The following ZNF234 variants were observed in gnomAD, a reference collection of about 807,000 sequenced individuals.
ZNF234 encodes zinc finger protein 234.
Under a neutral mutation model 10.3 loss-of-function variants are expected in ZNF234, and 4 were observed. The ratio of observed to expected loss-of-function variants is 0.39; its 90% confidence interval spans 0.19 to 0.89. The LOEUF (loss-of-function observed/expected upper bound fraction) is 0.89. Among genes scored for constraint, ZNF234 ranks in the 40% least tolerant of loss-of-function variants. The pLI is 0.38. For missense variants in ZNF234, 711 were observed against 836.1 expected (o/e 0.85, Z 1.85); for synonymous variants, 258 against 280.1 (o/e 0.92, Z 0.79).
chr19:44,148,710 G>T, intron 3 of ZNF234, 61 bp from the exon 4 acceptor site: 1 of 1,606,750 alleles, frequency 6.2e-7, no homozygotes, highest in Non-Finnish European at 8.5e-7. Context: ...CACTTTCTCA[G>T]TGCTGTTTCT....
rs1968991925 is a variant in ZNF234 at position 44,159,747 on chromosome 19, C to T, written c.*1628C>T. On this transcript the variant is annotated 3_prime_UTR_variant, in exon 6 of 6. Transcript: ENST00000426739. The stretch of plus-strand genomic sequence containing the variant: ...TAACTGTAGCATTCTCTTATTAAAA[C>T]TTCTGGCTGGGTGTGGTGGCTCATG... 2 of 371,984 alleles carry T rather than the reference C, an allele frequency of 5.4e-6. No homozygotes were observed. Among genetic ancestry groups the T allele is most frequent in the African/African-American group, 4.1e-5 (2 of 48,360 alleles). 23.0% of individuals were successfully genotyped at this position (371,984 alleles called of 1,614,324 possible). A position where few individuals can be genotyped will look rare whatever the true frequency, so the allele number is the denominator to read the frequency against.
chr19:44,156,256 C>T lies in ZNF234; in HGVS notation c.240C>T (p.Asp80=), dbSNP rs757600553. ...CTGAATTCTCTGTCCTTACAGCAGA[C>T]AAGATCCAAAGTGAGGTGGAGACTG... The part of the protein sequence containing the change: ...TATQRKGKSA[D]KIQSEVETVP... Residue 80 remains aspartate (D), a synonymous_variant, in exon 6 of 6, where the codon GAC becomes GAT. Coordinates refer to ENST00000426739, the MANE Select transcript of ZNF234 (RefSeq NM_006630.3). The T allele has an allele frequency of 1.9e-6, 3 of 1,544,844 alleles. No individual in the cohort carries two copies. In the East Asian group the frequency reaches 6.7e-5, roughly 35 times the overall value.
chr19:44,148,846 A>AATCT lies in ZNF234; in HGVS notation c.92_95dup (p.Tyr33SerfsTer24), dbSNP rs758417647. 1.2e-6 allele frequency: 2 copies of AATCT among 1,613,860 alleles called. No individual in the cohort carries two copies. Among genetic ancestry groups the AATCT allele is most frequent in the Non-Finnish European group, 1.7e-6 (2 of 1,179,916 alleles). ...GGGGCTGCTGGACCCTGTCCAGAGG[A>AATCT]ATCTGTACCAAGATGTGATGCTGGA... is the stretch of plus-strand genomic sequence containing the variant. On this transcript the variant is annotated frameshift_variant, in exon 4 of 6. Transcript: ENST00000426739. LOFTEE classifies it high-confidence loss of function.
intron 5 of ZNF234, among the ~76,000 whole-genome samples, chr19:44,152,098 G>A (rs1490627475): frequency 7.2e-5 from 11 of 152,034 alleles, no homozygotes; most frequent in Non-Finnish European, 1.5e-5. Context: ...CCTGGTCTCT[G>A]CTCAGTTTTA....
chr19:44,145,319 T>A (rs115469676), intron 3 of ZNF234, among the ~76,000 whole-genome samples: 173 of 152,346 alleles, frequency 1.1e-3, no homozygotes, highest in African/African-American at 3.9e-3. Context: ...TTAATTAATG[T>A]GCCTTTTTAT....
chr19:44,153,447 TG>T (rs1968798273), intron 5 of ZNF234, among the ~76,000 whole-genome samples: 2 of 152,098 alleles, frequency 1.3e-5, no homozygotes, highest in Non-Finnish European at 2.9e-5. Context: ...CCTTTCCTGC[TG>T]GTGGTAGTAC....
chr19:44,156,371 A>C lies in ZNF234; in HGVS notation c.355A>C (p.Ile119Leu), dbSNP rs142253299. The C allele has an allele frequency of 1.3e-3, 2,082 of 1,613,630 alleles. 1 individual carries two copies. The highest frequency in any genetic ancestry group is 1.8e-3 in the Admixed American group (106 of 59,950). Residue 119 changes from isoleucine to leucine, a missense_variant, in exon 6 of 6, where the codon ATA becomes CTA. Physicochemically the swap from Ile to Leu is conservative, Grantham distance 5. Coordinates refer to ENST00000426739, the MANE Select transcript of ZNF234 (RefSeq NM_006630.3). ...SDLIKYEDSM[I>L]SISRFPRQGD... ...TTTAATCAAGTATGAAGACTCTATG[A>C]TAAGTATTTCTCGGTTCCCCAGACA... is the stretch of plus-strand genomic sequence containing the variant.
In ZNF234 at chr19:44,159,069, T is replaced by C. The variant is rs1266173121; in HGVS notation, c.*950T>C. On this transcript the variant is annotated 3_prime_UTR_variant, in exon 6 of 6. Transcript: ENST00000426739. ...ACAATATTAATATGATATTACTCTT[T>C]TACAGTTGACACCTGTCCTCTCTGT... The C allele has an allele frequency of 6.6e-6, 1 of 152,262 alleles. No homozygotes were observed. Among genetic ancestry groups the C allele is most frequent in the Admixed American group, 6.5e-5 (1 of 15,286 alleles). The allele number at this position is 152,262 out of a possible 1,614,324, so 9.4% of individuals were successfully genotyped here. A position where few individuals can be genotyped will look rare whatever the true frequency, so the allele number is the denominator to read the frequency against.
At chr19:44,155,955 C>T (rs557088814) in intron 5 of ZNF234, among the ~76,000 whole-genome samples, 4 of 152,172 alleles carry the variant, frequency 2.6e-5, no homozygotes, top group South Asian at 2.1e-4. Context: ...CTTTAAAATT[C>T]GATGGAAATG....
Position 44,157,128 on chromosome 19 carries a change from C to T in ZNF234, c.1112C>T (p.Pro371Leu). Reference sequence around the variant, plus strand: ...CGGAGAATCCACACTGGAGAGAAACCATACGTATGTAAAGTGTGTGGTAAG... The same window carrying T: ...CGGAGAATCCACACTGGAGAGAAACTATACGTATGTAAAGTGTGTGGTAAG... ...AHRRIHTGEK[P>L]YVCKVCGKGF... The change falls in exon 6 of 6, where the codon CCA becomes CTA. Residue 371 changes from proline to leucine, a missense_variant. Pro to Leu is a moderately conservative substitution (Grantham distance 98, BLOSUM62 -3). Coordinates refer to ENST00000426739, the MANE Select transcript of ZNF234 (RefSeq NM_006630.3). The T allele has an allele frequency of 1.2e-6, 2 of 1,614,102 alleles. No homozygotes were observed. Among genetic ancestry groups the T allele is most frequent in the Non-Finnish European group, 1.7e-6 (2 of 1,180,018 alleles).
chr19:44,156,963 A>T lies in ZNF234; in HGVS notation c.947A>T (p.Tyr316Phe), dbSNP rs1354538878. The T allele has an allele frequency of 6.2e-7, 1 of 1,614,132 alleles. No homozygotes were observed. The highest frequency in any genetic ancestry group is 1.3e-5 in the African/African-American group (1 of 75,052). ...ATGGTCCACACAGGAGAGAAACCAT[A>T]CAAATGTGAGGACTGTGGTAAGTGT... is the stretch of plus-strand genomic sequence containing the variant. ...HCMVHTGEKP[Y>F]KCEDCGKCFT... The change falls in exon 6 of 6, where the codon TAC becomes TTC. Residue 316 changes from tyrosine to phenylalanine, a missense_variant. Tyr to Phe is a conservative substitution (Grantham distance 22, BLOSUM62 3). Coordinates refer to ENST00000426739, the MANE Select transcript of ZNF234 (RefSeq NM_006630.3).
intron 3 of ZNF234, among the ~76,000 whole-genome samples, chr19:44,148,264 G>C (rs1211611985): frequency 1.3e-5 from 2 of 152,202 alleles, no homozygotes; most frequent in African/African-American, 4.8e-5. Flanking sequence ...AATGCTGCAG[G>C]TAATGCTGGT....
intron 5 of ZNF234, among the ~76,000 whole-genome samples, chr19:44,155,573 T>C (rs972231503): frequency 1.3e-5 from 2 of 152,162 alleles, no homozygotes; most frequent in Non-Finnish European, 2.9e-5. Context: ...AGAAAATCCA[T>C]GTATAAGTGA....
Position 44,157,551 on chromosome 19 carries a change from A to G in ZNF234, c.1535A>G (p.Tyr512Cys), listed in dbSNP as rs746676395. The change falls in exon 6 of 6, where the codon TAT (tyrosine) becomes TGT (cysteine). Residue 512 changes from tyrosine (Y) to cysteine (C), a missense_variant. Physicochemically the swap from Tyr to Cys is radical, Grantham distance 194 (BLOSUM62 -2). Transcript: ENST00000426739. ...HCRIHTGEKP[Y>C]NCEECGKVFS... ...AGGATCCACACAGGGGAGAAACCAT[A>G]TAATTGTGAGGAGTGTGGGAAGGTC... The G allele has an allele frequency of 1.9e-6, 3 of 1,614,074 alleles. No individual in the cohort carries two copies. The highest frequency in any genetic ancestry group is 1.3e-5 in the African/African-American group (1 of 74,922).
In ZNF234 at chr19:44,150,440, T is replaced by A; in HGVS notation, c.170T>A (p.Phe57Tyr). ...CATCACCCCTTCAAACATGATGTAT[T>A]CCTTTTAGAAAAGGAAAAAAAGCTT... The part of the protein sequence containing the change: ...VGHHPFKHDV[F>Y]LLEKEKKLDI... Residue 57 changes from phenylalanine (F) to tyrosine (Y), a missense_variant, in exon 5 of 6, where the codon TTC becomes TAC. Physicochemically the swap from Phe to Tyr is conservative, Grantham distance 22. Transcript: ENST00000426739. 1.3e-6 allele frequency: 2 copies of A among 1,588,846 alleles called. No individual in the cohort carries two copies. The highest frequency in any genetic ancestry group is 1.7e-6 in the Non-Finnish European group (2 of 1,166,904).
chr19:44,143,324 C>A (rs1045688980), intron 2 of ZNF234, among the ~76,000 whole-genome samples: 1 of 152,134 alleles, frequency 6.6e-6, no homozygotes, highest in South Asian at 2.1e-4. Context: ...AAAAACTCGT[C>A]TCTGGCCGGG....
At chr19:44,153,481 C>A (rs548339723) in intron 5 of ZNF234, among the ~76,000 whole-genome samples, 173 of 152,072 alleles carry the variant, frequency 1.1e-3, no homozygotes, top group African/African-American at 4.0e-3. Flanking sequence ...TATCCTGGTT[C>A]TTTTATTCTG....
chr19:44,143,535 G>A (rs1020482205), intron 2 of ZNF234, among the ~76,000 whole-genome samples: 1 of 152,040 alleles, frequency 6.6e-6, no homozygotes, highest in African/African-American at 2.4e-5. Context: ...TGTTAACCCG[G>A]GAGGCGGAGC....
Position 44,156,375 on chromosome 19 carries a change from G to A in ZNF234, c.359G>A (p.Ser120Asn), listed in dbSNP as rs189261973. 2.5e-6 allele frequency: 4 copies of A among 1,613,636 alleles called. No homozygotes were observed. In the Admixed American group the frequency reaches 6.7e-5, roughly 27 times the overall value. ...ATCAAGTATGAAGACTCTATGATAAGTATTTCTCGGTTCCCCAGACAAGGT... is the reference window on the plus strand; with the variant it reads ...ATCAAGTATGAAGACTCTATGATAAATATTTCTCGGTTCCCCAGACAAGGT... ...DLIKYEDSMI[S>N]ISRFPRQGDL... The change falls in exon 6 of 6, where the codon AGT becomes AAT. Residue 120 changes from serine to asparagine, a missense_variant. Physicochemically the swap from Ser to Asn is conservative, Grantham distance 46. Transcript: ENST00000426739.
Sources: gnomAD v4.1 joint callset for allele counts (sites outside exome capture counted in the v4.1 genomes callset) on GRCh38, gnomAD v4.1.1 for gene constraint, MANE v1.5 for transcripts, NCBI Gene and HGNC (gene_info 2026-07-23, HGNC 2026-07-21) for gene names.